Variants in SRGAP1 observed in about 807,000 individuals in gnomAD.
SRGAP1 encodes SLIT-ROBO Rho GTPase-activating protein 1.
A neutral mutation model predicts 121.9 loss-of-function variants in SRGAP1; 43 were observed. The observed-to-expected ratio is 0.35, with a 90% CI of 0.28 to 0.46. The LOEUF (loss-of-function observed/expected upper bound fraction) is 0.46, where lower values mean the gene tolerates loss of function less well. Ranked by LOEUF, SRGAP1 falls within the 20% of genes least tolerant of loss-of-function variation. The probability of loss-of-function intolerance (pLI) is 1.00; values close to 1 mark genes in which losing one functional copy is unlikely to be tolerated. For synonymous variants in SRGAP1, 447 were observed against 485.4 expected, an observed-to-expected ratio of 0.92 and a Z score of 1.04; for missense variants, 1,102 against 1,350.9, an observed-to-expected ratio of 0.82 and a Z score of 2.89.
At chr12:63,848,997 A>T (rs1008941390) in intron 1 of SRGAP1, among the ~76,000 whole-genome samples, 2 of 152,242 alleles carry the variant, frequency 1.3e-5, no homozygotes, top group Non-Finnish European at 2.9e-5. Flanking sequence ...CAGGAATGAT[A>T]CAAGTGGTTA....
chr12:63,919,504 A>G (rs1015451504), intron 1 of SRGAP1, among the ~76,000 whole-genome samples: 8 of 146,328 alleles, frequency 5.5e-5, no homozygotes, highest in Non-Finnish European at 1.2e-4. Context: ...CATTACATAT[A>G]TATATATATA....
In SRGAP1 at chr12:64,115,735, T is replaced by G. The variant is rs868473740; in HGVS notation, c.2145-79T>G. 197 of 1,085,288 alleles carry G rather than the reference T, an allele frequency of 1.8e-4. No individual in the cohort carries two copies. In the Middle Eastern group the frequency reaches 3.1e-3, roughly 17 times the overall value. 67.2% of individuals were successfully genotyped at this position (1,085,288 alleles called of 1,614,324 possible). ...AAGATCACACCACTGCACTCCAGCCTAGGCAGCAGTGCAAGAACCTGTCTC... is the reference window on the plus strand; with the variant it reads ...AAGATCACACCACTGCACTCCAGCCGAGGCAGCAGTGCAAGAACCTGTCTC... On this transcript the variant is annotated intron_variant, in intron 17 of 21. Coordinates refer to ENST00000355086, the MANE Select transcript of SRGAP1 (RefSeq NM_020762.4).
At position 64,154,245 on chromosome 12, in the gene SRGAP1, C is replaced by A. The variant is rs2037146694; in HGVS notation, c.*11573C>A. On this transcript the variant is annotated 3_prime_UTR_variant, in exon 22 of 22. Coordinates refer to ENST00000355086, the MANE Select transcript of SRGAP1 (RefSeq NM_020762.4). ...CCAACAATATGCATGCAGATAACAT[C>A]ATATTAAACATGGTTAAGATAGTAA... 1.3e-5 allele frequency: 2 copies of A among 152,160 alleles called. No individual in the cohort carries two copies. Among genetic ancestry groups the A allele is most frequent in the South Asian group, 4.1e-4 (2 of 4,824 alleles). The allele number at this position is 152,160 out of a possible 1,614,324, so 9.4% of individuals were successfully genotyped here.
intron 4 of SRGAP1, among the ~76,000 whole-genome samples, chr12:64,021,713 T>G (rs1460941768): frequency 6.6e-6 from 1 of 152,230 alleles, no homozygotes; most frequent in African/African-American, 2.4e-5. Flanking sequence ...TATCTACAGC[T>G]CATTTATAGT....
At chr12:64,052,835 G>A (rs1308106012) in intron 6 of SRGAP1, among the ~76,000 whole-genome samples, 1 of 152,038 alleles carries the variant, frequency 6.6e-6, no homozygotes, top group Admixed American at 6.6e-5. Context: ...CTTTCGTTGT[G>A]TATCATTTAT....
Position 64,149,497 on chromosome 12 carries a change from C to T in SRGAP1, c.*6825C>T, listed in dbSNP as rs1443387600. On this transcript the variant is annotated 3_prime_UTR_variant, in exon 22 of 22. Coordinates refer to ENST00000355086, the MANE Select transcript of SRGAP1 (RefSeq NM_020762.4). ...CTGTAGAGTTGTTCCAGGAAAGACTCCACCATCCTGCTACCCTCAAATCTT... is the reference window on the plus strand; with the variant it reads ...CTGTAGAGTTGTTCCAGGAAAGACTTCACCATCCTGCTACCCTCAAATCTT... 1.3e-5 allele frequency: 2 copies of T among 152,202 alleles called. No homozygotes were observed. The highest frequency in any genetic ancestry group is 4.8e-5 in the African/African-American group (2 of 41,438). The allele number at this position is 152,202 out of a possible 1,614,324, so 9.4% of individuals were successfully genotyped here. A position where few individuals can be genotyped will look rare whatever the true frequency, so the allele number is the denominator to read the frequency against.
At chr12:63,978,917 C>T (rs1185314986) in intron 1 of SRGAP1, among the ~76,000 whole-genome samples, 4 of 151,960 alleles carry the variant, frequency 2.6e-5, no homozygotes, top group Non-Finnish European at 5.9e-5. Flanking sequence ...AGTGGCACCC[C>T]ATTGTGCTTT....
chr12:63,861,302 A>ATATATATATT (rs1184711599), intron 1 of SRGAP1, among the ~76,000 whole-genome samples: 1 of 132,624 alleles, frequency 7.5e-6, no homozygotes, highest in African/African-American at 2.8e-5. Context: ...ATATATATAT[A>ATATATATATT]TTTTTTTTTT....
In SRGAP1 at chr12:63,983,975, A is replaced by G. The variant is rs1177709876; in HGVS notation, c.96A>G (p.Gln32=). The G allele has an allele frequency of 2.6e-6, 4 of 1,539,294 alleles. No individual in the cohort carries two copies. The highest frequency in any genetic ancestry group is 3.5e-6 in the Non-Finnish European group (4 of 1,134,418). ...KEIRAQLVEQ[Q]KCLEQQTEMR... is the part of the protein sequence containing the mutation. The stretch of plus-strand genomic sequence containing the variant: ...TTCGAGCTCAACTGGTAGAACAACA[A>G]AAATGCCTGGAGCAGCAAACGGAGA... The change falls in exon 2 of 22, where the codon CAA becomes CAG. Residue 32 remains glutamine, a synonymous_variant. Coordinates refer to ENST00000355086, the MANE Select transcript of SRGAP1 (RefSeq NM_020762.4).
chr12:64,097,137 A>G, intron 14 of SRGAP1, 104 bp from the exon 15 acceptor site: 1 of 1,140,830 alleles, frequency 8.8e-7, no homozygotes, highest in Non-Finnish European at 1.2e-6. Context: ...AAGCATAATT[A>G]AAAGATACAT....
At chr12:63,920,925 T>C (rs1293337700) in intron 1 of SRGAP1, among the ~76,000 whole-genome samples, 2 of 152,198 alleles carry the variant, frequency 1.3e-5, no homozygotes, top group Non-Finnish European at 2.9e-5. Context: ...ATATATTCAT[T>C]GTATTTGTAG....
At chr12:63,967,299 A>G (rs2136387242) in intron 1 of SRGAP1, among the ~76,000 whole-genome samples, 1 of 152,266 alleles carries the variant, frequency 6.6e-6, no homozygotes, top group East Asian at 1.9e-4. Flanking sequence ...AAACTTAGCC[A>G]CATGTGATGG....
At chr12:63,979,408 A>G (rs1489653583) in intron 1 of SRGAP1, among the ~76,000 whole-genome samples, 1 of 151,272 alleles carries the variant, frequency 6.6e-6, no homozygotes, top group Non-Finnish European at 1.5e-5. Context: ...TTCTGTATAC[A>G]AGTTCCTTAT....
chr12:64,044,157 G>A (rs992457224), intron 6 of SRGAP1, among the ~76,000 whole-genome samples: 2 of 152,076 alleles, frequency 1.3e-5, no homozygotes, highest in Admixed American at 6.6e-5. Flanking sequence ...GGTTTATTTA[G>A]AGCTCTCCTA....
chr12:64,112,007 CCTCCT>C (rs1006601273), intron 17 of SRGAP1, 21 bp downstream of exon 17: 1 of 1,576,834 alleles, frequency 6.3e-7, no homozygotes, highest in African/African-American at 1.4e-5. Context: ...GAATTTTAGT[CCTCCT>C]CTCCCACCGA....
intron 3 of SRGAP1, among the ~76,000 whole-genome samples, chr12:64,009,193 T>C (rs1344583258): frequency 1.3e-5 from 2 of 152,184 alleles, no homozygotes; most frequent in African/African-American, 2.4e-5. Context: ...TACTTTTTGA[T>C]ATTTTTAGTT....
At chr12:64,032,141 G>C (rs2034795569) in intron 4 of SRGAP1, among the ~76,000 whole-genome samples, 1 of 152,074 alleles carries the variant, frequency 6.6e-6, no homozygotes, top group African/African-American at 2.4e-5. Context: ...GGTTTTATTT[G>C]GTGAAAAGGA....
At chr12:63,981,343 A>C (rs569971194) in intron 1 of SRGAP1, among the ~76,000 whole-genome samples, 57 of 152,246 alleles carry the variant, frequency 3.7e-4, no homozygotes, top group African/African-American at 1.3e-3. Flanking sequence ...CTTACTTGGC[A>C]CTAAGGCAGC....
intron 6 of SRGAP1, among the ~76,000 whole-genome samples, chr12:64,045,523 C>G (rs1210394425): frequency 6.6e-6 from 1 of 151,738 alleles, no homozygotes; most frequent in Non-Finnish European, 1.5e-5. Flanking sequence ...GCAACCTCGG[C>G]CTCCCAGGTT....
Sources: gnomAD v4.1 joint callset for allele counts (sites outside exome capture counted in the v4.1 genomes callset) on GRCh38, gnomAD v4.1.1 for gene constraint, MANE v1.5 for transcripts, NCBI Gene and HGNC (gene_info 2026-07-23, HGNC 2026-07-21) for gene names.